Variants in TNR observed in about 807,000 individuals in gnomAD.
The protein encoded by TNR is tenascin R, also known as tenascin-R.
A neutral mutation model predicts 150.4 loss-of-function variants in TNR; 45 were observed. The observed-to-expected ratio is 0.30, with a 90% confidence interval of 0.24 to 0.38. TNR has a LOEUF of 0.38. Ranked by LOEUF, TNR falls within the 10% of genes least tolerant of loss-of-function variation. The pLI, the probability that TNR is intolerant of heterozygous loss-of-function variation, is 1.00. For synonymous variants in TNR, 687 were observed against 678.4 expected (o/e 1.01, Z -0.20); for missense variants, 1,544 against 1,759.1 (o/e 0.88, Z 2.19).
In TNR at chr1:175,589,778, A is replaced by C. The variant is rs147009952; in HGVS notation, c.-164-61409T>G. Among the ~76,000 whole-genome samples, 599 of 152,246 alleles carry C rather than the reference A, an allele frequency of 3.9e-3. 4 individuals carry two copies. The highest frequency in any genetic ancestry group is 0.014 in the African/African-American group (570 of 41,538). ...AACCAAACACCGCATGTTCTCACTC[A>C]TAAGCGGGAGTTGAACAATGAGAAC... On this transcript the variant is annotated intron_variant, in intron 1 of 22. Transcript: ENST00000367674.
At chr1:175,468,098 A>C (rs1291601002) in intron 2 of TNR, among the ~76,000 whole-genome samples, 1 of 152,176 alleles carries the variant, frequency 6.6e-6, no homozygotes, top group African/African-American at 2.4e-5. Context: ...AAGCAACTGG[A>C]GTGGGACAGG....
intron 2 of TNR, among the ~76,000 whole-genome samples, chr1:175,423,601 T>G (rs1489623393): frequency 6.6e-6 from 1 of 152,132 alleles, no homozygotes; most frequent in Non-Finnish European, 1.5e-5. Flanking sequence ...GTTTTTCCTG[T>G]GTTGTGTGGT....
intron 1 of TNR, among the ~76,000 whole-genome samples, chr1:175,736,213 CA>C (rs532300322): frequency 2.6e-5 from 4 of 151,622 alleles, no homozygotes; most frequent in Non-Finnish European, 5.9e-5. Context: ...TTAATTCTCA[CA>C]AAAAAAACTT....
intron 8 of TNR, among the ~76,000 whole-genome samples, chr1:175,383,813 C>A (rs1652798585): frequency 6.6e-6 from 1 of 152,200 alleles, no homozygotes; most frequent in Non-Finnish European, 1.5e-5. Context: ...AATCTGTCTG[C>A]AGTGCTGTTT....
intron 1 of TNR, among the ~76,000 whole-genome samples, chr1:175,581,035 TGCCAGTCTA>T (rs1662330557): frequency 6.6e-6 from 1 of 152,220 alleles, no homozygotes; most frequent in African/African-American, 2.4e-5. Flanking sequence ...GTGGGAACAC[TGCCAGTCTA>T]GCCATCAGGA....
intron 18 of TNR, among the ~76,000 whole-genome samples, chr1:175,338,191 A>T (rs1160972128): frequency 6.6e-6 from 1 of 152,246 alleles, no homozygotes; most frequent in South Asian, 2.1e-4. Flanking sequence ...GGAATGCCCA[A>T]ACAAGCTCGG....
At chr1:175,551,132 C>T (rs975507531) in intron 1 of TNR, among the ~76,000 whole-genome samples, 2 of 152,112 alleles carry the variant, frequency 1.3e-5, no homozygotes, top group African/African-American at 4.8e-5. Context: ...TGGAGGATCT[C>T]ATTAGAAACT....
chr1:175,319,640 AT>A lies in TNR; in HGVS notation c.*3716del, dbSNP rs1439003395. Reference sequence around the variant, plus strand: ...GACAGGTGGATTCAAATATTTGTAGATGTTTGCTTTGCATTTCCTTGCTGCC... The same window carrying A: ...GACAGGTGGATTCAAATATTTGTAGAGTTTGCTTTGCATTTCCTTGCTGCC... On this transcript the variant is annotated 3_prime_UTR_variant, in exon 23 of 23. Coordinates refer to ENST00000367674, the MANE Select transcript of TNR (RefSeq NM_003285.3). 3.9e-5 allele frequency: 6 copies of A among 152,230 alleles called. No homozygotes were observed. The highest frequency in any genetic ancestry group is 8.8e-5 in the Non-Finnish European group (6 of 67,992). 9.4% of individuals were successfully genotyped at this position (152,230 alleles called of 1,614,324 possible). A position where few individuals can be genotyped will look rare whatever the true frequency, so the allele number is the denominator to read the frequency against.
intron 1 of TNR, among the ~76,000 whole-genome samples, chr1:175,632,307 C>G (rs1558046237): frequency 6.6e-6 from 1 of 152,212 alleles, no homozygotes; most frequent in Non-Finnish European, 1.5e-5. Flanking sequence ...CCAAGGCTCC[C>G]CCGTGCACTG....
intron 2 of TNR, among the ~76,000 whole-genome samples, chr1:175,447,324 G>A (rs1656100558): frequency 1.3e-5 from 2 of 152,216 alleles, no homozygotes; most frequent in East Asian, 1.9e-4. Context: ...CTTCTCTGAA[G>A]GTTTTCATTC....
At position 175,600,323 on chromosome 1, in the gene TNR, T is replaced by G. The variant is rs150524753; in HGVS notation, c.-164-71954A>C. 7.2e-4 allele frequency among the ~76,000 whole-genome samples: 110 copies of G among 152,348 alleles called. 2 individuals carry two copies. In the East Asian group the frequency reaches 7.3e-3, roughly 10 times the overall value. On this transcript the variant is annotated intron_variant, in intron 1 of 22. Transcript: ENST00000367674. The stretch of plus-strand genomic sequence containing the variant: ...AAGTATTATTAGTATCAGTCTGGAT[T>G]TATGCAGTGAGATATCCTATAAAAT...
intron 2 of TNR, among the ~76,000 whole-genome samples, chr1:175,499,385 C>G (rs559332707): frequency 6.6e-6 from 1 of 152,312 alleles, no homozygotes; most frequent in East Asian, 1.9e-4. Context: ...GTTGGGCTCT[C>G]CCTGCAAGGC....
At chr1:175,375,158 G>A (rs1298109348) in intron 9 of TNR, among the ~76,000 whole-genome samples, 3 of 137,396 alleles carry the variant, frequency 2.2e-5, no homozygotes, top group African/African-American at 5.5e-5. Context: ...TCCACTTGGA[G>A]TTTTCTAAAT....
At chr1:175,354,890 G>T (rs1651246184) in intron 17 of TNR, among the ~76,000 whole-genome samples, 1 of 152,154 alleles carries the variant, frequency 6.6e-6, no homozygotes, top group African/African-American at 2.4e-5. Flanking sequence ...TGTATTCTGT[G>T]CTTTTGGTTT....
intron 1 of TNR, among the ~76,000 whole-genome samples, chr1:175,555,225 C>T (rs554155124): frequency 6.6e-6 from 1 of 152,106 alleles, no homozygotes; most frequent in Non-Finnish European, 1.5e-5. Context: ...TTCCCCACCC[C>T]CTATAGATAC....
At chr1:175,377,358 T>C (rs1316410068) in intron 9 of TNR, among the ~76,000 whole-genome samples, 1 of 152,194 alleles carries the variant, frequency 6.6e-6, no homozygotes. Flanking sequence ...TCTGAACAGT[T>C]AGCCATCGAT....
chr1:175,457,914 AACTGGCAAACGCC>A (rs1338038195), intron 2 of TNR, among the ~76,000 whole-genome samples: 2 of 152,268 alleles, frequency 1.3e-5, no homozygotes, highest in African/African-American at 4.8e-5. Flanking sequence ...AAAGCCATGC[AACTGGCAAACGCC>A]AGAGTTGTTG....
intron 7 of TNR, among the ~76,000 whole-genome samples, chr1:175,391,078 C>A (rs1171886740): frequency 6.6e-6 from 1 of 152,188 alleles, no homozygotes; most frequent in Non-Finnish European, 1.5e-5. Context: ...GAAACACTCT[C>A]CCAGATGACA....
At chr1:175,646,915 G>A (rs144091584) in intron 1 of TNR, among the ~76,000 whole-genome samples, 7 of 152,326 alleles carry the variant, frequency 4.6e-5, no homozygotes, top group African/African-American at 1.2e-4. Flanking sequence ...GTCCCAAAGA[G>A]GGAAAGAGAC....
Sources: gnomAD v4.1 joint callset for allele counts (sites outside exome capture counted in the v4.1 genomes callset) on GRCh38, gnomAD v4.1.1 for gene constraint, MANE v1.5 for transcripts, NCBI Gene and HGNC (gene_info 2026-07-23, HGNC 2026-07-21) for gene names.